Variants in DHCR7 observed in about 807,000 individuals in gnomAD.
DHCR7 encodes the protein 7-DHC reductase.
In DHCR7, 40 loss-of-function variants were observed where a neutral mutation model predicts 43.3. The observed-to-expected ratio is 0.92, with a 90% confidence interval of 0.72 to 1.20. The LOEUF is 1.20. DHCR7 is among the 50% of genes most tolerant of loss of function. DHCR7 has a pLI of 0.00. For missense variants in DHCR7, 608 were observed against 644.6 expected (o/e 0.94, Z 0.62); for synonymous variants, 298 against 271.4 (o/e 1.10, Z -0.96).
At chr11:71,437,660 G>T in intron 8 of DHCR7, 152 bp downstream of exon 8, 1 of 1,151,218 alleles carries the variant, frequency 8.7e-7, no homozygotes, top group Non-Finnish European at 1.2e-6. Flanking sequence ...GCTGGCCCAA[G>T]CTGGCTGAGC....
At chr11:71,439,834 C>T (rs535237057) in intron 6 of DHCR7, among the ~76,000 whole-genome samples, 11 of 152,290 alleles carry the variant, frequency 7.2e-5, no homozygotes, top group Admixed American at 2.6e-4. Context: ...GGATGATTTC[C>T]AGGAGCCATT....
At chr11:71,443,855 G>A in intron 4 of DHCR7, 138 bp downstream of exon 4, 2 of 653,006 alleles carry the variant, frequency 3.1e-6, no homozygotes, top group South Asian at 3.8e-5. Context: ...AGAGTCCAGG[G>A]AATGCCCTGC....
chr11:71,446,205 C>T (rs897027784), intron 2 of DHCR7, among the ~76,000 whole-genome samples: 1 of 130,566 alleles, frequency 7.7e-6, no homozygotes, highest in Non-Finnish European at 1.6e-5. Flanking sequence ...TGTGACAGCT[C>T]GGTTAGAGCA....
At chr11:71,446,259 T>TAAAAA (rs1949401997) in intron 2 of DHCR7, among the ~76,000 whole-genome samples, 1 of 11,240 alleles carries the variant, frequency 8.9e-5, no homozygotes, top group Non-Finnish European at 3.6e-4. Context: ...CCTTACCAAA[T>TAAAAA]GAAAAAAAAA....
Position 71,435,531 on chromosome 11 carries a change from G to C in DHCR7, c.1272C>G (p.Gly424=), listed in dbSNP as rs909217. 1 of 1,610,602 alleles carries C rather than the reference G, an allele frequency of 6.2e-7. No individual in the cohort carries two copies. Residue 424 remains glycine, a synonymous_variant, in exon 9 of 9, where the codon GGC becomes GGG. Coordinates refer to ENST00000355527, the MANE Select transcript of DHCR7 (RefSeq NM_001360.3). ...GSLAYCLACG[G]GHLLPYFYII... ...TGTAGAAGTAGGGCAGCAGGTGGCCGCCGCCACAGGCCAGGCAGTAGGCCA... is the reference window on the plus strand; with the variant it reads ...TGTAGAAGTAGGGCAGCAGGTGGCCCCCGCCACAGGCCAGGCAGTAGGCCA...
At position 71,435,750 on chromosome 11, in the gene DHCR7, G is replaced by A; in HGVS notation, c.1053C>T (p.Phe351=). 6.2e-7 allele frequency: 1 copy of A among 1,612,090 alleles called. No individual in the cohort carries two copies. Among genetic ancestry groups the A allele is most frequent in the Non-Finnish European group, 8.5e-7 (1 of 1,179,108 alleles). The change falls in exon 9 of 9, where the codon TTC becomes TTT. Residue 351 remains phenylalanine, a synonymous_variant. Transcript: ENST00000355527. ...LLLGLVGYYI[F]RVANHQKDLF... ...GGTCCTTCTGGTGGTTGGCCACCCG[G>A]AAGATGTAGTAGCCCACCAGGCCCA...
At chr11:71,431,560 C>A (rs117291152), downstream of DHCR7, among the ~76,000 whole-genome samples, 244 of 152,294 alleles carry the variant, frequency 1.6e-3, 2 homozygotes, top group Middle Eastern at 6.8e-3. Flanking sequence ...GTGGAAACCC[C>A]CCTCCTGGCC....
At chr11:71,439,749 C>T (rs1949329015) in intron 6 of DHCR7, among the ~76,000 whole-genome samples, 1 of 152,192 alleles carries the variant, frequency 6.6e-6, no homozygotes, top group South Asian at 2.1e-4. Context: ...ATCCTATTTT[C>T]ATGTCCAGTT....
Position 71,434,758 on chromosome 11 carries a change from A to T in DHCR7, c.*617T>A. 1 of 273,160 alleles carries T rather than the reference A, an allele frequency of 3.7e-6. No homozygotes were observed. Among genetic ancestry groups the T allele is most frequent in the Non-Finnish European group, 7.2e-6 (1 of 138,482 alleles). The allele number at this position is 273,160 out of a possible 1,614,324, so 16.9% of individuals were successfully genotyped here. A position where few individuals can be genotyped will look rare whatever the true frequency, so the allele number is the denominator to read the frequency against. ...GTGCTGGGACCTCTCTGAGGTCTGCAGACTCCAGGCAGAGCACTCCTGGCA... is the reference window on the plus strand; with the variant it reads ...GTGCTGGGACCTCTCTGAGGTCTGCTGACTCCAGGCAGAGCACTCCTGGCA... On this transcript the variant is annotated 3_prime_UTR_variant, in exon 9 of 9. Transcript: ENST00000355527.
chr11:71,438,994 A>T lies in DHCR7; in HGVS notation c.716T>A (p.Phe239Tyr). The T allele has an allele frequency of 6.2e-7, 1 of 1,614,136 alleles. No individual in the cohort carries two copies. Among genetic ancestry groups the T allele is most frequent in the Non-Finnish European group, 8.5e-7 (1 of 1,180,048 alleles). Residue 239 changes from phenylalanine to tyrosine, a missense_variant, in exon 7 of 9, where the codon TTC (phenylalanine) becomes TAC (tyrosine). Transcript: ENST00000355527. ...IGKWFDFKLF[F>Y]NGRPGIVAWT... is the part of the protein sequence containing the mutation. ...GGCGACGATCCCGGGGCGCCCATTG[A>T]AGAACAGCTTGAAGTCAAACCACTT... is the stretch of plus-strand genomic sequence containing the variant.
Position 71,438,966 on chromosome 11 carries a change from C to G in DHCR7, c.744G>C (p.Trp248Cys). 6.2e-7 allele frequency: 1 copy of G among 1,614,052 alleles called. No homozygotes were observed. Among genetic ancestry groups the G allele is most frequent in the East Asian group, 2.2e-5 (1 of 44,878 alleles). ...CTGCGAAGGACAGGTTGATGAGGGT[C>G]CAGGCGACGATCCCGGGGCGCCCAT... is the stretch of plus-strand genomic sequence containing the variant. ...FFNGRPGIVAWTLINLSFAAK... is the reference protein window; with the variant it reads ...FFNGRPGIVACTLINLSFAAK... The change falls in exon 7 of 9, where the codon TGG (tryptophan) becomes TGC (cysteine). Residue 248 changes from tryptophan to cysteine, a missense_variant. Physicochemically the swap from Trp to Cys is radical, Grantham distance 215. Coordinates refer to ENST00000355527, the MANE Select transcript of DHCR7 (RefSeq NM_001360.3).
At chr11:71,445,251 C>T (rs1422994544) in intron 2 of DHCR7, among the ~76,000 whole-genome samples, 5 of 152,262 alleles carry the variant, frequency 3.3e-5, no homozygotes, top group Admixed American at 3.3e-4. Flanking sequence ...CAAGCTGGCT[C>T]CTGCCTCCCT....
intron 5 of DHCR7, 116 bp from the exon 6 acceptor site, chr11:71,441,556 G>T: frequency 1.1e-6 from 1 of 911,274 alleles, no homozygotes; most frequent in Non-Finnish European, 1.7e-6. Flanking sequence ...CTGCTGCTGC[G>T]GACCCTCATC....
intron 4 of DHCR7, among the ~76,000 whole-genome samples, chr11:71,443,494 G>A (rs1949369549): frequency 6.6e-6 from 1 of 152,196 alleles, no homozygotes; most frequent in African/African-American, 2.4e-5. Flanking sequence ...ACTCCCTCTG[G>A]ACTGGGAGGC....
intron 7 of DHCR7, among the ~76,000 whole-genome samples, chr11:71,438,156 C>G (rs1462809844): frequency 6.6e-6 from 1 of 152,122 alleles, no homozygotes; most frequent in Non-Finnish European, 1.5e-5. Context: ...AGAACCACCC[C>G]GAGCCCATGG....
chr11:71,442,369 A>T lies in DHCR7; in HGVS notation c.322-16T>A. Reference sequence around the variant, plus strand: ...ACAGAAGCACCTGAAACACACAAGCAGCCTGATCACCCCCCGCCTGGAGGG... The same window carrying T: ...ACAGAAGCACCTGAAACACACAAGCTGCCTGATCACCCCCCGCCTGGAGGG... On this transcript the variant is annotated splice_polypyrimidine_tract_variant and intron_variant, in intron 4 of 8. Transcript: ENST00000355527. 1 of 1,604,758 alleles carries T rather than the reference A, an allele frequency of 6.2e-7. No homozygotes were observed. Among genetic ancestry groups the T allele is most frequent in the Non-Finnish European group, 8.5e-7 (1 of 1,171,948 alleles).
At chr11:71,439,550 C>T (rs544627066) in intron 6 of DHCR7, among the ~76,000 whole-genome samples, 3 of 152,316 alleles carry the variant, frequency 2.0e-5, no homozygotes, top group African/African-American at 4.8e-5. Flanking sequence ...TTATAAATCA[C>T]GCCAACGTAG....
chr11:71,444,891 T>C lies in DHCR7; in HGVS notation c.62A>G (p.Asp21Gly). 1 of 1,614,194 alleles carries C rather than the reference T, an allele frequency of 6.2e-7. No individual in the cohort carries two copies. Among genetic ancestry groups the C allele is most frequent in the South Asian group, 1.1e-5 (1 of 91,084 alleles). ...CCACTGCCCTTGAGATGCGGTTCTG[T>C]CATTGGTGACGCCATCTAGACTCTT... ...KAKSLDGVTN[D>G]RTASQGQWGR... Residue 21 changes from aspartate to glycine, a missense_variant, in exon 3 of 9, where the codon GAC becomes GGC. Coordinates refer to ENST00000355527, the MANE Select transcript of DHCR7 (RefSeq NM_001360.3).
At chr11:71,446,260 G>GAA (rs57679336) in intron 2 of DHCR7, among the ~76,000 whole-genome samples, 32,388 of 65,760 alleles carry the variant, frequency 0.49, 8,266 homozygotes, top group Non-Finnish European at 0.63. Flanking sequence ...CTTACCAAAT[G>GAA]AAAAAAAAAA....
Sources: allele counts gnomAD v4.1 joint callset (sites outside exome capture counted in the v4.1 genomes callset), GRCh38; gene constraint gnomAD v4.1.1; transcripts MANE v1.5; gene names NCBI Gene and HGNC (gene_info 2026-07-23, HGNC 2026-07-21).